Variants in TUSC3 observed in about 807,000 individuals in gnomAD.
The protein encoded by TUSC3 is tumor suppressor candidate 3, also known as dolichyl-diphosphooligosaccharide--protein glycosyltransferase subunit TUSC3.
In TUSC3, 45 loss-of-function variants were observed where a neutral mutation model predicts 44.8. The observed-to-expected ratio is 1.00, with a 90% CI of 0.79 to 1.29. The LOEUF (loss-of-function observed/expected upper bound fraction) is 1.29, where lower values mean the gene tolerates loss of function less well. Among genes scored for constraint, TUSC3 ranks in the 50% most tolerant of loss-of-function variants. The probability of loss-of-function intolerance (pLI) is 0.00; values close to 1 mark genes in which losing one functional copy is unlikely to be tolerated. For synonymous variants in TUSC3, 212 were observed against 152.9 expected (o/e 1.39, Z -2.85); for missense variants, 519 against 437.9 (o/e 1.19, Z -1.65).
rs1414769991 is a variant in TUSC3, at chr8:15,557,611, T to C, written c.138+17043T>C. The stretch of plus-strand genomic sequence containing the variant: ...ACCTTGGGCAGTACGGCCATTTTCA[T>C]GATATTGATTCTTCCTACCCATGAG... On this transcript the variant is annotated intron_variant, in intron 1 of 10. Transcript: ENST00000503731. 7.7e-5 allele frequency among the ~76,000 whole-genome samples: 8 copies of C among 103,976 alleles called. 1 individual carries two copies. The highest frequency in any genetic ancestry group is 2.5e-4 in the African/African-American group (8 of 32,346). 68.2% of individuals were successfully genotyped at this position (103,976 alleles called of 152,430 possible). A position where few individuals can be genotyped will look rare whatever the true frequency, so the allele number is the denominator to read the frequency against.
chr8:15,630,365 TA>T (rs1805704647), intron 2 of TUSC3, among the ~76,000 whole-genome samples: 2 of 152,200 alleles, frequency 1.3e-5, no homozygotes, highest in African/African-American at 4.8e-5. Context: ...ACATATTAAC[TA>T]ACATTTATTC....
intron 1 of TUSC3, among the ~76,000 whole-genome samples, chr8:15,468,231 C>T (rs972143529): frequency 1.3e-5 from 2 of 152,104 alleles, no homozygotes; most frequent in Admixed American, 6.5e-5. Context: ...AGGACAGATG[C>T]CCTGGTGGAA....
rs1800280026 is a variant in TUSC3 at position 15,457,856 on chromosome 8, TTATCTAATA to T, written n.92-25529_92-25521del. The stretch of plus-strand genomic sequence containing the variant: ...ATAAATTAGATTAATTATCTAATAA[TTATCTAATA>T]AATTAATTAGATAATTACTAATTAA... On this transcript the variant is annotated intron_variant and non_coding_transcript_variant, in intron 1 of 5. Coordinates refer to the TUSC3 transcript ENST00000503191. 4.8e-5 allele frequency among the ~76,000 whole-genome samples: 3 copies of T among 62,836 alleles called. No individual in the cohort carries two copies. In the East Asian group the frequency reaches 9.7e-4, roughly 20 times the overall value. The allele number at this position is 62,836 out of a possible 152,430, so 41.2% of individuals were successfully genotyped here.
At chr8:15,650,628 G>C in intron 2 of TUSC3, 69 bp from the exon 3 acceptor site, 2 of 1,385,634 alleles carry the variant, frequency 1.4e-6, no homozygotes, top group Non-Finnish European at 2.1e-6. Context: ...AGGGTTGTCT[G>C]TTTTAATAAC....
intron 2 of TUSC3, among the ~76,000 whole-genome samples, chr8:15,516,649 A>G (rs1460279294): frequency 6.6e-6 from 1 of 152,164 alleles, no homozygotes; most frequent in Non-Finnish European, 1.5e-5. Context: ...TCTCACATTC[A>G]CACTACTATT....
At chr8:15,740,288 C>T (rs1369293564) in intron 7 of TUSC3, among the ~76,000 whole-genome samples, 1 of 151,886 alleles carries the variant, frequency 6.6e-6, no homozygotes, top group Non-Finnish European at 1.5e-5. Context: ...GGCTAGAAAC[C>T]TAGAAGGAGG....
At chr8:15,600,004 CAA>C in intron 1 of TUSC3, among the ~76,000 whole-genome samples, 1 of 151,818 alleles carries the variant, frequency 6.6e-6, no homozygotes, top group East Asian at 1.9e-4. Context: ...CATCTGCAAA[CAA>C]AGACAGTTTT....
chr8:15,668,823 T>C (rs1807799001), intron 5 of TUSC3, among the ~76,000 whole-genome samples: 2 of 151,770 alleles, frequency 1.3e-5, no homozygotes, highest in Admixed American at 1.3e-4. Context: ...TTTATGATGC[T>C]GTATGAAACT....
At chr8:15,708,143 A>G (rs1809697543) in intron 6 of TUSC3, among the ~76,000 whole-genome samples, 1 of 152,000 alleles carries the variant, frequency 6.6e-6, no homozygotes, top group African/African-American at 2.4e-5. Context: ...GGAGGAGGAC[A>G]TCATTCAACC....
chr8:15,789,583 TAAAC>T, the TUSC3 span, among the ~76,000 whole-genome samples: 63 of 152,220 alleles, frequency 4.1e-4, no homozygotes, highest in African/African-American at 1.2e-3. Context: ...TAACAAAAAA[TAAAC>T]AAAATCATAC....
chr8:15,641,865 C>G (rs1334637673), intron 2 of TUSC3, among the ~76,000 whole-genome samples: 1 of 152,048 alleles, frequency 6.6e-6, no homozygotes, highest in Non-Finnish European at 1.5e-5. Flanking sequence ...ATCTAAAGGC[C>G]TTGCCAAAAA....
At chr8:15,816,813 A>G in the TUSC3 span, among the ~76,000 whole-genome samples, 1 of 152,222 alleles carries the variant, frequency 6.6e-6, no homozygotes, top group Non-Finnish European at 1.5e-5. Context: ...CAATGTAAGT[A>G]ACTTCCAATA....
chr8:15,595,301 G>A (rs977409392), intron 1 of TUSC3, among the ~76,000 whole-genome samples: 4 of 152,076 alleles, frequency 2.6e-5, no homozygotes, highest in Admixed American at 2.0e-4. Flanking sequence ...AGATTTCCAG[G>A]CTTCTCTTTG....
chr8:15,811,782 A>G, the TUSC3 span, among the ~76,000 whole-genome samples: 3 of 152,168 alleles, frequency 2.0e-5, no homozygotes, highest in Non-Finnish European at 4.4e-5. Flanking sequence ...GGTTAAAAGA[A>G]CCATCTGGGG....
intron 1 of TUSC3, among the ~76,000 whole-genome samples, chr8:15,583,714 C>A (rs567836842): frequency 6.6e-6 from 1 of 152,110 alleles, no homozygotes; most frequent in Admixed American, 6.5e-5. Flanking sequence ...CAAGACTGTA[C>A]ATGCCATATT....
At chr8:15,550,415 T>C (rs922551784) in intron 1 of TUSC3, among the ~76,000 whole-genome samples, 1 of 151,600 alleles carries the variant, frequency 6.6e-6, no homozygotes, top group East Asian at 2.0e-4. Flanking sequence ...TTTTACAAAA[T>C]ATTGCATTAT....
intron 1 of TUSC3, among the ~76,000 whole-genome samples, chr8:15,441,884 G>A (rs1268737257): frequency 6.6e-6 from 1 of 152,100 alleles, no homozygotes; most frequent in East Asian, 1.9e-4. Flanking sequence ...CTAGATACCA[G>A]CTATATGAAT....
chr8:15,709,493 C>T (rs1217262070), intron 6 of TUSC3, among the ~76,000 whole-genome samples: 1 of 151,776 alleles, frequency 6.6e-6, no homozygotes, highest in Non-Finnish European at 1.5e-5. Context: ...CATTTTTGCT[C>T]CTCTGACTTA....
At chr8:15,514,427 A>G (rs1380015184) in intron 2 of TUSC3, among the ~76,000 whole-genome samples, 1 of 152,240 alleles carries the variant, frequency 6.6e-6, no homozygotes, top group Non-Finnish European at 1.5e-5. Flanking sequence ...ATATAAAATA[A>G]AATATATTTC....
Sources: gnomAD v4.1 joint callset for allele counts (sites outside exome capture counted in the v4.1 genomes callset) on GRCh38, gnomAD v4.1.1 for gene constraint, MANE v1.5 for transcripts, NCBI Gene and HGNC (gene_info 2026-07-23, HGNC 2026-07-21) for gene names.